PHTF1: variants seen among roughly 807,000 people sequenced by gnomAD.
The protein encoded by PHTF1 is protein PHTF1.
In PHTF1, 88 loss-of-function variants were observed where a neutral mutation model predicts 102.4. That is an observed-to-expected ratio of 0.86 (90% confidence interval 0.72 to 1.03). The LOEUF (loss-of-function observed/expected upper bound fraction) is 1.03. Among genes scored for constraint, PHTF1 ranks in the 50% least tolerant of loss-of-function variants. The pLI, the probability that PHTF1 is intolerant of heterozygous loss-of-function variation, is 0.00. For missense variants in PHTF1, 814 were observed against 909.5 expected (o/e 0.89, Z 1.35); for synonymous variants, 289 against 305.2 (o/e 0.95, Z 0.55).
chr1:113,703,898 G>T (rs781193555), intron 15 of PHTF1, 183 bp downstream of exon 15: 1 of 533,046 alleles, frequency 1.9e-6, no homozygotes, highest in Non-Finnish European at 3.4e-6. Flanking sequence ...CAGTTTGAAA[G>T]GACTTCAGAA....
At chr1:113,727,287 T>C (rs934504361) in intron 5 of PHTF1, among the ~76,000 whole-genome samples, 1 of 152,194 alleles carries the variant, frequency 6.6e-6, no homozygotes, top group Admixed American at 6.5e-5. Context: ...CAATAAACTA[T>C]AGATCTTGTT....
intron 14 of PHTF1, 43 bp downstream of exon 14, chr1:113,704,623 C>G: frequency 6.9e-7 from 1 of 1,441,496 alleles, no homozygotes; most frequent in Non-Finnish European, 9.5e-7. Context: ...CTTCAGTGAG[C>G]ATATTCTTGC....
At chr1:113,731,565 A>G (rs951760795) in intron 5 of PHTF1, among the ~76,000 whole-genome samples, 1 of 151,038 alleles carries the variant, frequency 6.6e-6, no homozygotes, top group Non-Finnish European at 1.5e-5. Context: ...AAGAAAGAAA[A>G]AAATCCTGCA....
intron 12 of PHTF1, 93 bp downstream of exon 12, chr1:113,706,501 T>C (rs1650203167): frequency 2.2e-6 from 2 of 908,634 alleles, no homozygotes; most frequent in East Asian, 2.6e-5. Context: ...AAAAGCAGAG[T>C]CATACTGTTT....
chr1:113,717,063 G>A (rs1431718419), intron 7 of PHTF1, among the ~76,000 whole-genome samples: 2 of 152,090 alleles, frequency 1.3e-5, no homozygotes, highest in South Asian at 2.1e-4. Flanking sequence ...AAAAAGCAAG[G>A]GGACAGAGTG....
intron 4 of PHTF1, 128 bp from the exon 5 acceptor site, chr1:113,738,396 A>C (rs567770467): frequency 2.2e-4 from 140 of 638,280 alleles, no homozygotes; most frequent in Middle Eastern, 3.3e-4. Context: ...AAAAAAAAAA[A>C]CCCTCTTAGA....
At chr1:113,730,807 G>T (rs1169025994) in intron 5 of PHTF1, among the ~76,000 whole-genome samples, 2 of 152,152 alleles carry the variant, frequency 1.3e-5, no homozygotes, top group Non-Finnish European at 2.9e-5. Context: ...ACTAAACATG[G>T]TATCTACATA....
chr1:113,745,297 A>C (rs1442035036), intron 3 of PHTF1, among the ~76,000 whole-genome samples: 1 of 152,164 alleles, frequency 6.6e-6, no homozygotes, highest in Non-Finnish European at 1.5e-5. Context: ...AAAAATAATC[A>C]AATTTGTGTT....
Position 113,712,109 on chromosome 1 carries a change from G to A in PHTF1, c.788C>T (p.Ala263Val), listed in dbSNP as rs937258641. 7.4e-6 allele frequency: 12 copies of A among 1,613,318 alleles called. No homozygotes were observed. Among genetic ancestry groups the A allele is most frequent in the Middle Eastern group, 1.6e-4 (1 of 6,084 alleles). The change falls in exon 9 of 19, where the codon GCT becomes GTT. Residue 263 changes from alanine to valine, a missense_variant. Physicochemically the swap from Ala to Val is moderately conservative, Grantham distance 64. Transcript: ENST00000369604. ...CACCCCATTACCCAAACGCCTAAAAGCCTCCTACAAAGAGAACAGCAATAC... is the reference window on the plus strand; with the variant it reads ...CACCCCATTACCCAAACGCCTAAAAACCTCCTACAAAGAGAACAGCAATAC... The part of the protein sequence containing the change: ...FSDGEKCRRE[A>V]FRRLGNGVSD...
In PHTF1 at chr1:113,699,467, T is replaced by A. The variant is rs374630771; in HGVS notation, c.2142+237A>T. The A allele has an allele frequency of 5.0e-5, 32 of 635,690 alleles. No homozygotes were observed. The East Asian group carries it at 8.4e-4, about 17-fold the overall frequency. 39.4% of individuals were successfully genotyped at this position (635,690 alleles called of 1,614,324 possible). A position where few individuals can be genotyped will look rare whatever the true frequency, so the allele number is the denominator to read the frequency against. On this transcript the variant is annotated intron_variant, in intron 17 of 18. Coordinates refer to ENST00000369604, the MANE Select transcript of PHTF1 (RefSeq NM_001323043.2). ...CTTGATCTTCATGTCCTTGACCAGA[T>A]GGCCCAACTTGGTGATGGGGAGCCA...
At chr1:113,729,320 G>A (rs573153686) in intron 5 of PHTF1, among the ~76,000 whole-genome samples, 2 of 152,150 alleles carry the variant, frequency 1.3e-5, no homozygotes, top group South Asian at 2.1e-4. Context: ...GGGACAGAAC[G>A]AAAAATACCT....
chr1:113,755,259 G>A (rs1438943546), intron 3 of PHTF1, among the ~76,000 whole-genome samples: 1 of 150,054 alleles, frequency 6.7e-6, no homozygotes, highest in Non-Finnish European at 1.5e-5. Context: ...TAATTTTTTT[G>A]TATGCTATAC....
intron 5 of PHTF1, among the ~76,000 whole-genome samples, chr1:113,730,131 G>A (rs1571184765): frequency 6.6e-6 from 1 of 152,252 alleles, no homozygotes; most frequent in Middle Eastern, 3.4e-3. Context: ...AGAAGTGAGA[G>A]TGATCCTGGG....
At chr1:113,738,058 G>A in intron 5 of PHTF1, 52 bp downstream of exon 5, 1 of 1,300,268 alleles carries the variant, frequency 7.7e-7, no homozygotes, top group Non-Finnish European at 1.1e-6. Context: ...TTATTTAATA[G>A]CAAAAGCAGC....
At chr1:113,747,403 A>G (rs934800748) in intron 3 of PHTF1, among the ~76,000 whole-genome samples, 9 of 152,184 alleles carry the variant, frequency 5.9e-5, no homozygotes, top group Non-Finnish European at 1.3e-4. Flanking sequence ...CACAACATAT[A>G]TCAGTTTAGT....
intron 7 of PHTF1, chr1:113,714,688 T>C (rs1651691570): frequency 6.6e-6 from 1 of 152,240 alleles, no homozygotes; most frequent in Non-Finnish European, 1.5e-5. Context: ...TGCCCAGAGC[T>C]AGGGTAACTG....
chr1:113,732,507 A>G (rs1271050223), intron 5 of PHTF1, among the ~76,000 whole-genome samples: 2 of 152,218 alleles, frequency 1.3e-5, no homozygotes, highest in Non-Finnish European at 2.9e-5. Flanking sequence ...AAAGAAAAAA[A>G]ACAATTTTCC....
intron 5 of PHTF1, among the ~76,000 whole-genome samples, chr1:113,737,182 A>C (rs959217218): frequency 5.9e-5 from 9 of 152,236 alleles, no homozygotes; most frequent in Non-Finnish European, 1.3e-4. Flanking sequence ...ATGGTAGGGT[A>C]GAGTAGGAAG....
intron 17 of PHTF1, chr1:113,699,299 T>C (rs148664476): frequency 1.2e-3 from 330 of 270,464 alleles, no homozygotes; most frequent in Admixed American, 1.9e-3. Flanking sequence ...AGCTTGACCA[T>C]GATTATAGCC....
Sources: allele counts gnomAD v4.1 joint callset (sites outside exome capture counted in the v4.1 genomes callset), GRCh38; gene constraint gnomAD v4.1.1; transcripts MANE v1.5; gene names NCBI Gene and HGNC (gene_info 2026-07-23, HGNC 2026-07-21).